Variants in DCAF10 observed in about 807,000 individuals in gnomAD.
DCAF10 encodes the protein DDB1 and CUL4 associated factor 10.
DCAF10 carries 19 observed loss-of-function variants against 51.9 expected under a neutral mutation model. That is an observed-to-expected ratio of 0.37 (90% CI 0.26 to 0.54). The LOEUF is 0.54. Among genes scored for constraint, DCAF10 ranks in the 20% least tolerant of loss-of-function variants. DCAF10 has a pLI of 0.87. For missense variants in DCAF10, 510 were observed against 730.6 expected (o/e 0.70, Z 3.48); for synonymous variants, 291 against 297.1 (o/e 0.98, Z 0.21).
At chr9:37,834,140 A>T (rs1385016885) in intron 2 of DCAF10, among the ~76,000 whole-genome samples, 1 of 152,126 alleles carries the variant, frequency 6.6e-6, no homozygotes, top group Non-Finnish European at 1.5e-5. Flanking sequence ...GGGTTACATC[A>T]TGTTGCCCAG....
rs898513145 is a variant in DCAF10 at position 37,829,332 on chromosome 9, C to T, written c.653+9931C>T. 5.3e-5 allele frequency among the ~76,000 whole-genome samples: 8 copies of T among 152,008 alleles called. No individual in the cohort carries two copies. The highest frequency in any genetic ancestry group is 3.9e-4 in the Admixed American group (6 of 15,264). On this transcript the variant is annotated intron_variant, in intron 2 of 6. Coordinates refer to ENST00000377724, the MANE Select transcript of DCAF10 (RefSeq NM_024345.5). The surrounding 1 kb of genome is among the most constrained non-coding windows in gnomAD (Gnocchi z 4.2). ...GTGCATGCCTGTAATCCCAGCTACT[C>T]GGGAGGCTGAGACAGGAGAATCACT... is the stretch of plus-strand genomic sequence containing the variant.
chr9:37,813,169 C>CACCAATGAGG (rs1400206717), intron 1 of DCAF10, among the ~76,000 whole-genome samples: 2 of 152,186 alleles, frequency 1.3e-5, no homozygotes, highest in Non-Finnish European at 2.9e-5. Flanking sequence ...GGTGCTGTCA[C>CACCAATGAGG]AGCTCACGGC....
At chr9:37,800,647 G>A (rs370015557), upstream of DCAF10, 4 of 1,536,100 alleles carry the variant, frequency 2.6e-6, no homozygotes, top group East Asian at 2.4e-5. Context: ...CGCTCACACA[G>A]GTAACTACTC....
chr9:37,865,417 G>A lies in DCAF10; in HGVS notation c.*3909G>A, dbSNP rs1364754153. 53 of 152,104 alleles carry A rather than the reference G, an allele frequency of 3.5e-4. No homozygotes were observed. Among genetic ancestry groups the A allele is most frequent in the Non-Finnish European group, 5.9e-5 (4 of 68,028 alleles). The allele number at this position is 152,104 out of a possible 1,614,324, so 9.4% of individuals were successfully genotyped here. A position where few individuals can be genotyped will look rare whatever the true frequency, so the allele number is the denominator to read the frequency against. ...GGGCATTAGGAATGCTATAGTATTG[G>A]AAGAAATTACATCTTAACATTTCAA... On this transcript the variant is annotated 3_prime_UTR_variant, in exon 7 of 7. Transcript: ENST00000377724.
intron 2 of DCAF10, among the ~76,000 whole-genome samples, chr9:37,826,264 G>A (rs1829849567): frequency 6.6e-6 from 1 of 152,158 alleles, no homozygotes; most frequent in African/African-American, 2.4e-5. Context: ...TGATAGAAAG[G>A]AAACCCCTAC....
Position 37,800,990 on chromosome 9 carries a change from G to A in DCAF10, c.124G>A (p.Ala42Thr), listed in dbSNP as rs1828908400. ...GCCGCCCTCGCCACTACATCCCGGG[G>A]CTGATGCGACCCATCCCCCTCCACC... ...TGPPSPLHPG[A>T]DATHPPPPAR... Residue 42 changes from alanine (A) to threonine (T), a missense_variant, in exon 1 of 7, where the codon GCT becomes ACT. This residue lies in a region of DCAF10 where 251 missense variants were observed against 227.9 expected (regional missense o/e 1.10). Coordinates refer to ENST00000377724, the MANE Select transcript of DCAF10 (RefSeq NM_024345.5). 1.3e-6 allele frequency: 2 copies of A among 1,532,518 alleles called. No homozygotes were observed. Among genetic ancestry groups the A allele is most frequent in the African/African-American group, 1.4e-5 (1 of 70,868 alleles). The allele number at this position is 1,532,518 out of a possible 1,614,324, so 94.9% of individuals were successfully genotyped here. A position where few individuals can be genotyped will look rare whatever the true frequency, so the allele number is the denominator to read the frequency against.
At chr9:37,814,080 CTATATATATATATATATATATA>C (rs58660288) in intron 1 of DCAF10, among the ~76,000 whole-genome samples, 575 of 47,106 alleles carry the variant, frequency 0.012, 36 homozygotes, top group African/African-American at 0.04. Context: ...CTATTTGTCA[CTATATATATATATATATATATA>C]TATATATATA....
chr9:37,813,245 T>G (rs1478921430), intron 1 of DCAF10, among the ~76,000 whole-genome samples: 1 of 152,108 alleles, frequency 6.6e-6, no homozygotes, highest in Non-Finnish European at 1.5e-5. Context: ...ACTGCAGCCA[T>G]AAGCCACTAT....
intron 1 of DCAF10, among the ~76,000 whole-genome samples, chr9:37,814,538 C>T (rs527728244): frequency 1.3e-5 from 2 of 151,926 alleles, no homozygotes; most frequent in African/African-American, 2.4e-5. Context: ...CCTCAGCCAC[C>T]CAAAGTGCTG....
intron 2 of DCAF10, chr9:37,836,256 G>A: frequency 2.6e-6 from 4 of 1,566,300 alleles, no homozygotes; most frequent in Non-Finnish European, 1.8e-6. Context: ...CACAGCAGAT[G>A]TCTACGTGGA....
chr9:37,816,659 G>GGGGTGTGTGT (rs372664140), intron 1 of DCAF10, among the ~76,000 whole-genome samples: 3 of 144,890 alleles, frequency 2.1e-5, no homozygotes, highest in African/African-American at 5.0e-5. Flanking sequence ...CTGCACCTGG[G>GGGGTGTGTGT]GTGTGTGTGT....
At chr9:37,850,878 A>ATATG (rs1830629470) in intron 3 of DCAF10, among the ~76,000 whole-genome samples, 1 of 94,044 alleles carries the variant, frequency 1.1e-5, no homozygotes, top group African/African-American at 4.1e-5. Flanking sequence ...ATATATATAT[A>ATATG]TATAAATTAG....
At chr9:37,857,038 G>A (rs1214471963) in intron 4 of DCAF10, among the ~76,000 whole-genome samples, 1 of 152,110 alleles carries the variant, frequency 6.6e-6, no homozygotes, top group Non-Finnish European at 1.5e-5. Context: ...ACATAGTCAA[G>A]TCTTTGATAT....
intron 1 of DCAF10, among the ~76,000 whole-genome samples, chr9:37,815,471 C>T (rs1473364259): frequency 1.3e-5 from 2 of 152,072 alleles, no homozygotes; most frequent in African/African-American, 2.4e-5. Context: ...ATGGTGAAAC[C>T]CTGTCTCTAC....
intron 2 of DCAF10, among the ~76,000 whole-genome samples, chr9:37,837,606 T>C (rs1830207984): frequency 6.6e-6 from 1 of 152,144 alleles, no homozygotes; most frequent in Non-Finnish European, 1.5e-5. Context: ...AATGAAATAG[T>C]GGCTAAAGCC....
chr9:37,848,649 T>C (rs151242433), intron 3 of DCAF10, among the ~76,000 whole-genome samples: 2 of 152,242 alleles, frequency 1.3e-5, no homozygotes, highest in Non-Finnish European at 2.9e-5. Context: ...GTGTTGATGA[T>C]TGCACAGCTC....
At chr9:37,803,631 C>G (rs1205322503) in intron 1 of DCAF10, among the ~76,000 whole-genome samples, 1 of 149,550 alleles carries the variant, frequency 6.7e-6, no homozygotes, top group Non-Finnish European at 1.5e-5. Context: ...GAAAATACTT[C>G]AGTGTTTTAA....
rs1328124400 is a variant in DCAF10, at chr9:37,825,997, T to G, written c.653+6596T>G. On this transcript the variant is annotated intron_variant, in intron 2 of 6. Transcript: ENST00000377724. ...CTGTAGTGAGCCGAGATCGCGTCACTGCACACCAGCCTGAGCGACAGAGCG... is the reference window on the plus strand; with the variant it reads ...CTGTAGTGAGCCGAGATCGCGTCACGGCACACCAGCCTGAGCGACAGAGCG... 2.7e-5 allele frequency among the ~76,000 whole-genome samples: 4 copies of G among 149,196 alleles called. No homozygotes were observed. In the East Asian group the frequency reaches 7.9e-4, roughly 29 times the overall value.
intron 3 of DCAF10, among the ~76,000 whole-genome samples, chr9:37,851,657 T>G (rs894024821): frequency 6.6e-6 from 1 of 151,174 alleles, no homozygotes; most frequent in Non-Finnish European, 1.5e-5. Flanking sequence ...TAGCTGGGCG[T>G]GATGGCAGGC....
Sources: gnomAD v4.1 joint callset for allele counts (sites outside exome capture counted in the v4.1 genomes callset) on GRCh38, gnomAD v4.1.1 for gene constraint, gnomAD v4.1.1 regional missense constraint, Gnocchi (gnomAD v3.1) non-coding constraint, MANE v1.5 for transcripts, NCBI Gene and HGNC (gene_info 2026-07-23, HGNC 2026-07-21) for gene names.